AGAP1: variants seen among roughly 807,000 people sequenced by gnomAD.
AGAP1 encodes ArfGAP with GTPase domain, ankyrin repeat and PH domain 1.
AGAP1 carries 29 observed loss-of-function variants against 105.3 expected under a neutral mutation model. The observed-to-expected ratio is 0.28, with a 90% CI of 0.21 to 0.38. The LOEUF (loss-of-function observed/expected upper bound fraction) is 0.38, where lower values mean the gene tolerates loss of function less well. Ranked by LOEUF, AGAP1 falls within the 10% of genes least tolerant of loss-of-function variation. The pLI, the probability that AGAP1 is intolerant of heterozygous loss-of-function variation, is 1.00. For missense variants in AGAP1, 998 were observed against 1,165.1 expected (o/e 0.86, Z 2.09); for synonymous variants, 509 against 485.9 (o/e 1.05, Z -0.63).
chr2:235,748,795 T>C (rs746381659), intron 5 of AGAP1, among the ~76,000 whole-genome samples: 2 of 152,248 alleles, frequency 1.3e-5, no homozygotes, highest in Non-Finnish European at 2.9e-5. Flanking sequence ...TGTATAACTT[T>C]GCTGCTATTT....
Position 235,865,593 on chromosome 2 carries a change from C to G in AGAP1, c.1051-17752C>G, listed in dbSNP as rs1377833026. Among the ~76,000 whole-genome samples the G allele has an allele frequency of 6.6e-6, 1 of 152,118 alleles. No individual in the cohort carries two copies. The highest frequency in any genetic ancestry group is 2.4e-5 in the African/African-American group (1 of 41,410). Reference sequence around the variant, plus strand: ...TCGGCCCCTCGCCCCTTTGCCCCTCCCCCAACTCCCTCCACTGTACAGAAG... The same window carrying G: ...TCGGCCCCTCGCCCCTTTGCCCCTCGCCCAACTCCCTCCACTGTACAGAAG... On this transcript the variant is annotated intron_variant, in intron 9 of 17. Coordinates refer to ENST00000304032, the MANE Select transcript of AGAP1 (RefSeq NM_001037131.3). The surrounding 1 kb of genome is among the most constrained non-coding windows in gnomAD (Gnocchi z 6.2).
rs1367034016 is a variant in AGAP1 at position 235,967,084 on chromosome 2, G to A, written c.1484-1378G>A. Among the ~76,000 whole-genome samples, 2 of 151,982 alleles carry A rather than the reference G, an allele frequency of 1.3e-5. No individual in the cohort carries two copies. The highest frequency in any genetic ancestry group is 2.9e-5 in the Non-Finnish European group (2 of 67,974). On this transcript the variant is annotated intron_variant, in intron 12 of 17. Coordinates refer to ENST00000304032, the MANE Select transcript of AGAP1 (RefSeq NM_001037131.3). The surrounding 1 kb of genome is among the most constrained non-coding windows in gnomAD (Gnocchi z 4.7). ...CCAAAGCACAGGCGAGGGTCCTCAC[G>A]GTGGCCCGCAAGCCCCCTCCTCTCC...
At chr2:235,671,148 T>G (rs1418403328) in intron 1 of AGAP1, 1 of 1,216,840 alleles carries the variant, frequency 8.2e-7, no homozygotes, top group Non-Finnish European at 1.0e-6. Context: ...CCCTCCCGGG[T>G]CGGGAGCCTG....
chr2:235,653,920 G>C (rs901795861), intron 1 of AGAP1, among the ~76,000 whole-genome samples: 1 of 152,206 alleles, frequency 6.6e-6, no homozygotes, highest in Non-Finnish European at 1.5e-5. Flanking sequence ...GCCGGGAGTG[G>C]TGGCAGGCGC....
intron 1 of AGAP1, among the ~76,000 whole-genome samples, chr2:235,538,777 A>G (rs1265283717): frequency 6.6e-6 from 1 of 152,156 alleles, no homozygotes; most frequent in Non-Finnish European, 1.5e-5. Flanking sequence ...GTTGTCCAAG[A>G]TAGGATTTAG....
intron 1 of AGAP1, among the ~76,000 whole-genome samples, chr2:235,613,694 T>G (rs952607631): frequency 3.9e-5 from 6 of 152,270 alleles, no homozygotes; most frequent in African/African-American, 1.4e-4. Context: ...AACCACTTTA[T>G]TGCTATTATT....
Position 235,992,620 on chromosome 2 carries a change from T to C in AGAP1, c.1645+23997T>C, listed in dbSNP as rs145483335. Reference sequence around the variant, plus strand: ...TAAGAGATCACTTGTTATATTATGCTTTTTAAATGTTGAAGGCAATACTCA... The same window carrying C: ...TAAGAGATCACTTGTTATATTATGCCTTTTAAATGTTGAAGGCAATACTCA... On this transcript the variant is annotated intron_variant, in intron 13 of 17. Transcript: ENST00000304032. This position sits in a 1 kb window ranked among gnomAD's most constrained non-coding sequence, Gnocchi z 4.8. Among the ~76,000 whole-genome samples, 1 of 152,236 alleles carries C rather than the reference T, an allele frequency of 6.6e-6. No individual in the cohort carries two copies. Among genetic ancestry groups the C allele is most frequent in the Non-Finnish European group, 1.5e-5 (1 of 68,050 alleles).
At chr2:236,118,298 AG>A (rs978872160) in intron 16 of AGAP1, among the ~76,000 whole-genome samples, 1 of 151,616 alleles carries the variant, frequency 6.6e-6, no homozygotes, top group African/African-American at 2.4e-5. Flanking sequence ...AATTTTGGAG[AG>A]GGCGATTGTG....
At position 235,494,661 on chromosome 2, in the gene AGAP1, G is replaced by T; in HGVS notation, c.-26G>T. On this transcript the variant is annotated 5_prime_UTR_variant, in exon 1 of 18. Transcript: ENST00000304032. ...GCGGGGCGGCGGCGGCGGGGGGCGCGCGGCTCCGGGCGCGGCGCCTGCACC... is the reference window on the plus strand; with the variant it reads ...GCGGGGCGGCGGCGGCGGGGGGCGCTCGGCTCCGGGCGCGGCGCCTGCACC... 1 of 1,139,922 alleles carries T rather than the reference G, an allele frequency of 8.8e-7. No homozygotes were observed. 70.6% of individuals were successfully genotyped at this position (1,139,922 alleles called of 1,614,324 possible). A position where few individuals can be genotyped will look rare whatever the true frequency, so the allele number is the denominator to read the frequency against.
intron 14 of AGAP1, among the ~76,000 whole-genome samples, chr2:236,039,724 G>A (rs1173572855): frequency 6.6e-6 from 1 of 152,154 alleles, no homozygotes; most frequent in Non-Finnish European, 1.5e-5. Flanking sequence ...TCGTTAGGCT[G>A]GAAAGGGCAG....
rs1375391402 is a variant in AGAP1, at chr2:235,752,362, G to C, written c.673+1874G>C. ...CTGGCTAATTTTTTGCATTTTAGTA[G>C]AGATGGGATTTTCACCATGTTGCCC... On this transcript the variant is annotated intron_variant, in intron 6 of 17. Transcript: ENST00000304032. The surrounding 1 kb of genome is among the most constrained non-coding windows in gnomAD (Gnocchi z 4.3). Among the ~76,000 whole-genome samples, 1 of 152,142 alleles carries C rather than the reference G, an allele frequency of 6.6e-6. No individual in the cohort carries two copies. Among genetic ancestry groups the C allele is most frequent in the African/African-American group, 2.4e-5 (1 of 41,422 alleles).
chr2:235,856,288 C>G (rs1450689438), intron 9 of AGAP1, among the ~76,000 whole-genome samples: 2 of 152,152 alleles, frequency 1.3e-5, no homozygotes, highest in Non-Finnish European at 2.9e-5. Context: ...GTTCTTGTAC[C>G]CAGTGATTCA....
chr2:235,754,959 C>T lies in AGAP1; in HGVS notation c.673+4471C>T, dbSNP rs1042333916. Among the ~76,000 whole-genome samples, 3 of 152,202 alleles carry T rather than the reference C, an allele frequency of 2.0e-5. No homozygotes were observed. The highest frequency in any genetic ancestry group is 4.8e-5 in the African/African-American group (2 of 41,456). On this transcript the variant is annotated intron_variant, in intron 6 of 17. Coordinates refer to ENST00000304032, the MANE Select transcript of AGAP1 (RefSeq NM_001037131.3). This position sits in a 1 kb window ranked among gnomAD's most constrained non-coding sequence, Gnocchi z 4.6. ...GAGCGTTCTCGCTCCTGCTCACAGGCGAGTTTGTGTGGCTTGCGGGGCTGG... is the reference window on the plus strand; with the variant it reads ...GAGCGTTCTCGCTCCTGCTCACAGGTGAGTTTGTGTGGCTTGCGGGGCTGG...
At chr2:235,939,969 T>C (rs2053184799) in intron 12 of AGAP1, among the ~76,000 whole-genome samples, 1 of 152,028 alleles carries the variant, frequency 6.6e-6, no homozygotes, top group African/African-American at 2.4e-5. Flanking sequence ...CTCTCCTCAT[T>C]GAACGCAGGT....
intron 1 of AGAP1, among the ~76,000 whole-genome samples, chr2:235,650,907 T>C (rs989196423): frequency 3.9e-5 from 6 of 152,026 alleles, no homozygotes; most frequent in Admixed American, 2.6e-4. Context: ...TGGCCAGGCG[T>C]GGTGGCTCAC....
At chr2:235,885,836 G>A (rs1284399894) in intron 10 of AGAP1, among the ~76,000 whole-genome samples, 2 of 152,236 alleles carry the variant, frequency 1.3e-5, no homozygotes. Flanking sequence ...AGTGGGATTC[G>A]AGATGCAGAT....
chr2:235,566,071 A>G lies in AGAP1; in HGVS notation c.163+71222A>G, dbSNP rs937681971. On this transcript the variant is annotated intron_variant, in intron 1 of 17. Coordinates refer to ENST00000304032, the MANE Select transcript of AGAP1 (RefSeq NM_001037131.3). The surrounding 1 kb of genome is among the most constrained non-coding windows in gnomAD (Gnocchi z 5.2). The stretch of plus-strand genomic sequence containing the variant: ...TTTCCCTCTGCTTGTGTCATCTTTC[A>G]TTTGTCCATTCCTCGATTTATTATT... Among the ~76,000 whole-genome samples, 10 of 151,980 alleles carry G rather than the reference A, an allele frequency of 6.6e-5. No individual in the cohort carries two copies. Among genetic ancestry groups the G allele is most frequent in the Admixed American group, 3.9e-4 (6 of 15,262 alleles).
At chr2:235,565,175 G>A (rs540907895) in intron 1 of AGAP1, among the ~76,000 whole-genome samples, 2 of 150,688 alleles carry the variant, frequency 1.3e-5, no homozygotes, top group African/African-American at 4.9e-5. Flanking sequence ...CACCACCCAC[G>A]GCCAGGTGTG....
rs544602903 is a variant in AGAP1, at chr2:235,883,701, C to G, written c.1155+252C>G. ...CTACAAAGAATTACAATAAAAGGCA[C>G]AGATGAAGTAAAATTTTAGATGAGA... On this transcript the variant is annotated intron_variant, in intron 10 of 17. Transcript: ENST00000304032. This position sits in a 1 kb window ranked among gnomAD's most constrained non-coding sequence, Gnocchi z 4.5. 2.3e-3 allele frequency among the ~76,000 whole-genome samples: 352 copies of G among 152,082 alleles called. 3 individuals carry two copies. The highest frequency in any genetic ancestry group is 8.1e-3 in the African/African-American group (338 of 41,474).
Sources: allele counts gnomAD v4.1 joint callset (sites outside exome capture counted in the v4.1 genomes callset), GRCh38; gene constraint gnomAD v4.1.1; non-coding constraint Gnocchi (gnomAD v3.1); transcripts MANE v1.5; gene names NCBI Gene and HGNC (gene_info 2026-07-23, HGNC 2026-07-21).